AHCYL1: variants seen among roughly 807,000 people sequenced by gnomAD.
AHCYL1 encodes S-adenosylhomocysteine hydrolase-like protein 1.
In AHCYL1, 20 loss-of-function variants were observed where a neutral mutation model predicts 79.3. That is an observed-to-expected ratio of 0.25 (90% CI 0.18 to 0.37). The LOEUF (loss-of-function observed/expected upper bound fraction) is 0.37, where lower values mean the gene tolerates loss of function less well. Ranked by LOEUF, AHCYL1 falls within the 10% of genes least tolerant of loss-of-function variation. The pLI, the probability that AHCYL1 is intolerant of heterozygous loss-of-function variation, is 1.00. For missense variants in AHCYL1, 330 were observed against 673.6 expected (o/e 0.49, Z 5.65); for synonymous variants, 223 against 242.2 (o/e 0.92, Z 0.74).
At position 110,015,639 on chromosome 1, in the gene AHCYL1, T is replaced by C. The variant is rs974846175; in HGVS notation, c.782+108T>C. On this transcript the variant is annotated intron_variant, in intron 7 of 16. Coordinates refer to ENST00000369799, the MANE Select transcript of AHCYL1 (RefSeq NM_006621.7). The stretch of plus-strand genomic sequence containing the variant: ...TCAGACTTATAACTAAATGGGAATA[T>C]CTTCATTAGATAAAATTTTGAGTTT... The C allele has an allele frequency of 1.9e-5, 15 of 794,416 alleles. No homozygotes were observed. The East Asian group carries it at 4.0e-4, about 21-fold the overall frequency. The allele number at this position is 794,416 out of a possible 1,614,324, so 49.2% of individuals were successfully genotyped here.
At chr1:110,021,166 G>T (rs987333139) in intron 16 of AHCYL1, among the ~76,000 whole-genome samples, 1 of 152,178 alleles carries the variant, frequency 6.6e-6, no homozygotes, top group African/African-American at 2.4e-5. Context: ...ACTTGAACCT[G>T]GGAGGCGGAG....
chr1:110,003,460 A>G (rs1421293188), intron 1 of AHCYL1, among the ~76,000 whole-genome samples: 1 of 152,064 alleles, frequency 6.6e-6, no homozygotes, highest in Non-Finnish European at 1.5e-5. Context: ...AATGATTATA[A>G]TAAAGTTGGA....
intron 16 of AHCYL1, among the ~76,000 whole-genome samples, chr1:110,021,291 A>C (rs545690941): frequency 6.6e-5 from 10 of 152,316 alleles, no homozygotes; most frequent in African/African-American, 2.4e-4. Flanking sequence ...AGGTAGATAG[A>C]GAAATTGTGG....
At chr1:110,014,988 T>C in intron 6 of AHCYL1, 131 bp downstream of exon 6, 1 of 821,796 alleles carries the variant, frequency 1.2e-6, no homozygotes. Context: ...GTGTTTAGCT[T>C]GATACCTATT....
chr1:109,988,782 T>C (rs1489826424), intron 1 of AHCYL1, among the ~76,000 whole-genome samples: 1 of 152,240 alleles, frequency 6.6e-6, no homozygotes, highest in Admixed American at 6.5e-5. Context: ...CTTTTGTTTA[T>C]AGGATATTCT....
intron 1 of AHCYL1, among the ~76,000 whole-genome samples, chr1:109,987,709 C>G (rs1425357746): frequency 2.6e-5 from 4 of 152,180 alleles, no homozygotes; most frequent in Admixed American, 2.6e-4. Flanking sequence ...CAGCTATAAT[C>G]ATGACTTACT....
Position 110,011,265 on chromosome 1 carries a change from A to G in AHCYL1, c.284A>G (p.Gln95Arg). The stretch of plus-strand genomic sequence containing the variant: ...GATGAGGTTTCTCCCCGAGAGAAGC[A>G]GCAAACCAACTCCAAGGGCAGCAGC... ...SDDEVSPREK[Q>R]QTNSKGSSNF... is the part of the protein sequence containing the mutation. The change falls in exon 3 of 17, where the codon CAG (glutamine) becomes CGG (arginine). Residue 95 changes from glutamine to arginine, a missense_variant. Physicochemically the swap from Gln to Arg is conservative, Grantham distance 43 (BLOSUM62 1). This residue lies in a region of AHCYL1 where 97 missense variants were observed against 176.3 expected (regional missense o/e 0.55). Transcript: ENST00000369799. 1 of 1,614,190 alleles carries G rather than the reference A, an allele frequency of 6.2e-7. No individual in the cohort carries two copies. Among genetic ancestry groups the G allele is most frequent in the Non-Finnish European group, 8.5e-7 (1 of 1,180,032 alleles).
At chr1:110,005,166 A>G (rs1650567622) in intron 1 of AHCYL1, among the ~76,000 whole-genome samples, 1 of 152,228 alleles carries the variant, frequency 6.6e-6, no homozygotes, top group African/African-American at 2.4e-5. Context: ...TCTCTGCAGT[A>G]AGAAAGACTG....
chr1:109,992,051 GT>G (rs1360559786), intron 1 of AHCYL1, among the ~76,000 whole-genome samples: 1 of 151,414 alleles, frequency 6.6e-6, no homozygotes, highest in African/African-American at 2.4e-5. Context: ...GCCATGACCT[GT>G]TTCCTTTGTG....
intron 6 of AHCYL1, 121 bp downstream of exon 6, chr1:110,014,978 G>C: frequency 2.2e-6 from 2 of 918,842 alleles, no homozygotes; most frequent in Non-Finnish European, 3.4e-6. Context: ...TGTTGCTAAA[G>C]TGTTTAGCTT....
chr1:110,015,907 A>G (rs1168666339), intron 7 of AHCYL1, among the ~76,000 whole-genome samples: 1 of 152,198 alleles, frequency 6.6e-6, no homozygotes, highest in Non-Finnish European at 1.5e-5. Flanking sequence ...ACTGGGCAAA[A>G]TATTCTTGGC....
intron 3 of AHCYL1, among the ~76,000 whole-genome samples, chr1:110,011,857 A>T (rs1437155385): frequency 6.6e-6 from 1 of 152,240 alleles, no homozygotes; most frequent in Non-Finnish European, 1.5e-5. Flanking sequence ...AGCCACTCCC[A>T]GTAAGGTCCT....
At chr1:109,987,617 A>C (rs1343025526) in intron 1 of AHCYL1, among the ~76,000 whole-genome samples, 1 of 152,214 alleles carries the variant, frequency 6.6e-6, no homozygotes, top group Admixed American at 6.5e-5. Context: ...TTTGAGACAG[A>C]GTCAGCTTTT....
chr1:109,997,172 G>T (rs1250071529), intron 1 of AHCYL1, among the ~76,000 whole-genome samples: 1 of 152,186 alleles, frequency 6.6e-6, no homozygotes, highest in Non-Finnish European at 1.5e-5. Flanking sequence ...GGCTTCTGGT[G>T]CTCAATAGAT....
At chr1:110,004,309 A>G in intron 1 of AHCYL1, 1 of 985,444 alleles carries the variant, frequency 1.0e-6, no homozygotes, top group Non-Finnish European at 1.2e-6. Flanking sequence ...AACTTGAGAC[A>G]GGGAAGGAGA....
chr1:109,996,018 G>A (rs527552865), intron 1 of AHCYL1, among the ~76,000 whole-genome samples: 3 of 152,238 alleles, frequency 2.0e-5, no homozygotes, highest in East Asian at 1.9e-4. Context: ...TCAGGAGTTC[G>A]AGACCAGCCT....
chr1:110,011,106 T>C, intron 2 of AHCYL1, 108 bp from the exon 3 acceptor site: 2 of 1,382,774 alleles, frequency 1.4e-6, no homozygotes, highest in Non-Finnish European at 2.0e-6. Flanking sequence ...GTAGCTCCAA[T>C]TAAGGGTGTT....
intron 3 of AHCYL1, 122 bp downstream of exon 3, chr1:110,011,479 G>A: frequency 1.5e-6 from 2 of 1,329,842 alleles, no homozygotes; most frequent in Non-Finnish European, 2.1e-6. Flanking sequence ...ACAGTATTAT[G>A]GACTTTCGGA....
chr1:110,009,185 T>A (rs181527801), intron 2 of AHCYL1, 40 bp downstream of exon 2: 1 of 1,546,596 alleles, frequency 6.5e-7, no homozygotes, highest in Non-Finnish European at 8.9e-7. Context: ...TAATCTCTCT[T>A]CCCTGTTTGC....
Sources: allele counts gnomAD v4.1 joint callset (sites outside exome capture counted in the v4.1 genomes callset), GRCh38; gene constraint gnomAD v4.1.1; regional missense constraint gnomAD v4.1.1; transcripts MANE v1.5; gene names NCBI Gene and HGNC (gene_info 2026-07-23, HGNC 2026-07-21).